ZNF618: variants seen among roughly 807,000 people sequenced by gnomAD.
The protein encoded by ZNF618 is zinc finger protein 618.
ZNF618 carries 34 observed loss-of-function variants against 103.0 expected under a neutral mutation model. The observed-to-expected ratio is 0.33, with a 90% CI of 0.25 to 0.44. The LOEUF (loss-of-function observed/expected upper bound fraction) is 0.44. Ranked by LOEUF, ZNF618 falls within the 20% of genes least tolerant of loss-of-function variation. ZNF618 has a pLI of 1.00. For synonymous variants in ZNF618, 551 were observed against 542.2 expected (o/e 1.02, Z -0.23); for missense variants, 1,059 against 1,295.4 (o/e 0.82, Z 2.80).
intron 10 of ZNF618, among the ~76,000 whole-genome samples, chr9:114,017,112 A>G (rs1159308727): frequency 6.6e-6 from 1 of 152,072 alleles, no homozygotes; most frequent in Non-Finnish European, 1.5e-5. Context: ...CTACATCACA[A>G]GGTTTATGAA....
chr9:113,917,235 CTTTTTTTTTTTTT>C (rs56300784), intron 1 of ZNF618, among the ~76,000 whole-genome samples: 18 of 74,260 alleles, frequency 2.4e-4, no homozygotes, highest in Middle Eastern at 0.011. Context: ...TCTCTCTATC[CTTTTTTTTTTTTT>C]TTTTTTTTTT....
intron 5 of ZNF618, 118 bp downstream of exon 5, chr9:114,002,191 T>G: frequency 1.1e-6 from 1 of 881,558 alleles, no homozygotes; most frequent in Non-Finnish European, 1.9e-6. Flanking sequence ...GCCTTTCCCA[T>G]TCTCCTCCTA....
intron 1 of ZNF618, among the ~76,000 whole-genome samples, chr9:113,951,081 G>C (rs1835519698): frequency 6.6e-6 from 1 of 151,548 alleles, no homozygotes; most frequent in African/African-American, 2.4e-5. Flanking sequence ...TGTTGAATGG[G>C]AGGGGGCTTG....
chr9:113,922,877 TTAGA>T (rs1832772326), intron 1 of ZNF618, among the ~76,000 whole-genome samples: 1 of 152,180 alleles, frequency 6.6e-6, no homozygotes, highest in African/African-American at 2.4e-5. Context: ...TATCAAATCT[TTAGA>T]TAAAGTTGGA....
At chr9:113,988,176 G>A in intron 2 of ZNF618, 145 bp from the exon 3 acceptor site, 1 of 1,063,384 alleles carries the variant, frequency 9.4e-7, no homozygotes, top group Non-Finnish European at 1.3e-6. Flanking sequence ...GGTAGCCGTG[G>A]GGGTTGTGTG....
chr9:114,000,037 T>C (rs1841024876), intron 4 of ZNF618, among the ~76,000 whole-genome samples: 1 of 152,164 alleles, frequency 6.6e-6, no homozygotes, highest in South Asian at 2.1e-4. Context: ...CAAAGAAATA[T>C]GCAATCTCAT....
chr9:113,920,768 A>G (rs1832570343), intron 1 of ZNF618, among the ~76,000 whole-genome samples: 1 of 152,250 alleles, frequency 6.6e-6, no homozygotes, highest in African/African-American at 2.4e-5. Flanking sequence ...AAGAATGGAT[A>G]TGAAGTGGCA....
intron 1 of ZNF618, among the ~76,000 whole-genome samples, chr9:113,898,438 G>A (rs997419408): frequency 2.4e-5 from 3 of 124,080 alleles, no homozygotes; most frequent in African/African-American, 6.1e-5. Context: ...CAGATTTTTC[G>A]TTTTTTTTTT....
intron 1 of ZNF618, among the ~76,000 whole-genome samples, chr9:113,948,243 G>A (rs1370948262): frequency 2.0e-5 from 3 of 152,186 alleles, no homozygotes; most frequent in African/African-American, 4.8e-5. Flanking sequence ...TGGGTAAAAC[G>A]CAGAAAACCA....
chr9:114,011,739 A>C (rs539691273), intron 9 of ZNF618, among the ~76,000 whole-genome samples: 10 of 152,262 alleles, frequency 6.6e-5, no homozygotes, highest in Non-Finnish European at 1.3e-4. Context: ...CACCTTTCAC[A>C]TCAGCATCAG....
chr9:114,052,581 G>C lies in ZNF618; in HGVS notation c.*2414G>C, dbSNP rs1039994370. On this transcript the variant is annotated 3_prime_UTR_variant, in exon 15 of 15. Coordinates refer to ENST00000374126, the MANE Select transcript of ZNF618 (RefSeq NM_001318042.2). ...GCCTCAGCATCACTGATGATTGACA[G>C]ATGCTACAGCAAAAGGTCCCTCTAG... is the stretch of plus-strand genomic sequence containing the variant. 6.6e-6 allele frequency: 1 copy of C among 152,228 alleles called. No homozygotes were observed. Among genetic ancestry groups the C allele is most frequent in the African/African-American group, 2.4e-5 (1 of 41,452 alleles). 9.4% of individuals were successfully genotyped at this position (152,228 alleles called of 1,614,324 possible).
At chr9:114,026,059 G>A (rs1158998912) in intron 10 of ZNF618, among the ~76,000 whole-genome samples, 2 of 152,214 alleles carry the variant, frequency 1.3e-5, no homozygotes, top group African/African-American at 4.8e-5. Flanking sequence ...AAGGCAAGAG[G>A]GGACTGACAA....
intron 2 of ZNF618, among the ~76,000 whole-genome samples, chr9:113,980,334 G>C (rs572457499): frequency 1.3e-5 from 2 of 152,208 alleles, no homozygotes; most frequent in East Asian, 3.9e-4. Flanking sequence ...TAGGTATCCA[G>C]ATGGAGGTTT....
intron 2 of ZNF618, among the ~76,000 whole-genome samples, chr9:113,969,603 G>T (rs1588186021): frequency 6.6e-6 from 1 of 152,202 alleles, no homozygotes; most frequent in Non-Finnish European, 1.5e-5. Context: ...GATTAGCCAG[G>T]GTGGAGAGGG....
chr9:114,043,043 T>C (rs1482628860), intron 13 of ZNF618, among the ~76,000 whole-genome samples: 1 of 152,252 alleles, frequency 6.6e-6, no homozygotes, highest in African/African-American at 2.4e-5. Flanking sequence ...GGTTTGTCCA[T>C]GTTCTGTGTT....
intron 3 of ZNF618, among the ~76,000 whole-genome samples, chr9:113,996,010 C>G (rs1840555548): frequency 6.6e-6 from 1 of 152,176 alleles, no homozygotes; most frequent in African/African-American, 2.4e-5. Flanking sequence ...CATTTAGAAG[C>G]TGATGATTCT....
At chr9:114,026,958 G>T (rs1843554445) in intron 10 of ZNF618, among the ~76,000 whole-genome samples, 1 of 152,104 alleles carries the variant, frequency 6.6e-6, no homozygotes, top group Admixed American at 6.5e-5. Flanking sequence ...AGGTGGATTT[G>T]CCTCACTCCA....
At chr9:114,005,168 C>T (rs1282113788) in intron 6 of ZNF618, among the ~76,000 whole-genome samples, 1 of 152,100 alleles carries the variant, frequency 6.6e-6, no homozygotes, top group Non-Finnish European at 1.5e-5. Flanking sequence ...TGAGGTCTGC[C>T]GCACTTATAC....
chr9:113,930,323 T>G (rs572173001), intron 1 of ZNF618, among the ~76,000 whole-genome samples: 86 of 152,358 alleles, frequency 5.6e-4, no homozygotes, highest in African/African-American at 1.8e-3. Flanking sequence ...TCATGTTGGG[T>G]TTATACATTT....
Sources: allele counts gnomAD v4.1 joint callset (sites outside exome capture counted in the v4.1 genomes callset), GRCh38; gene constraint gnomAD v4.1.1; transcripts MANE v1.5; gene names NCBI Gene and HGNC (gene_info 2026-07-23, HGNC 2026-07-21).